The following PRKCE variants were observed in gnomAD, a reference collection of about 807,000 sequenced individuals.
The protein encoded by PRKCE is protein kinase C epsilon type.
In PRKCE, 16 loss-of-function variants were observed where a neutral mutation model predicts 85.4. That is an observed-to-expected ratio of 0.19 (90% CI 0.13 to 0.28). The LOEUF (loss-of-function observed/expected upper bound fraction) is 0.28, where lower values mean the gene tolerates loss of function less well. PRKCE is among the 10% of genes least tolerant of loss of function. PRKCE has a pLI of 1.00. For synonymous variants in PRKCE, 388 were observed against 371.5 expected (o/e 1.04, Z -0.51); for missense variants, 573 against 975.2 (o/e 0.59, Z 5.49).
intron 11 of PRKCE, among the ~76,000 whole-genome samples, chr2:46,086,636 T>G (rs1669665043): frequency 6.6e-6 from 1 of 152,214 alleles, no homozygotes; most frequent in South Asian, 2.1e-4. Context: ...CCAGGTGACC[T>G]TGGTGTGACC....
At chr2:45,725,282 G>T (rs2090414) in intron 1 of PRKCE, among the ~76,000 whole-genome samples, 5 of 152,086 alleles carry the variant, frequency 3.3e-5, no homozygotes, top group Non-Finnish European at 7.4e-5. Context: ...CTCAGAAAAA[G>T]ATTTCTTTCA....
At chr2:46,117,794 G>C (rs578061491) in intron 11 of PRKCE, among the ~76,000 whole-genome samples, 1 of 152,320 alleles carries the variant, frequency 6.6e-6, no homozygotes, top group South Asian at 2.1e-4. Flanking sequence ...CCCTTACATT[G>C]CCATAATGTG....
chr2:45,697,441 G>A lies in PRKCE; in HGVS notation c.348+44993G>A, dbSNP rs189391154. Among the ~76,000 whole-genome samples, 6 of 152,278 alleles carry A rather than the reference G, an allele frequency of 3.9e-5. No individual in the cohort carries two copies. The highest frequency in any genetic ancestry group is 6.5e-5 in the Admixed American group (1 of 15,298). On this transcript the variant is annotated intron_variant, in intron 1 of 14. Transcript: ENST00000306156. This position sits in a 1 kb window ranked among gnomAD's most constrained non-coding sequence, Gnocchi z 4.2. ...CCATTTTATTTATTTAGCCAGGACA[G>A]ATAAGGACTAACAAACAAAACCAAA...
intron 1 of PRKCE, among the ~76,000 whole-genome samples, chr2:45,712,902 C>T (rs1270903913): frequency 6.6e-6 from 1 of 152,198 alleles, no homozygotes; most frequent in Non-Finnish European, 1.5e-5. Flanking sequence ...ATACTTCTAC[C>T]TCTTTGAGGC....
intron 1 of PRKCE, among the ~76,000 whole-genome samples, chr2:45,762,090 A>G (rs547058180): frequency 1.3e-5 from 2 of 152,250 alleles, no homozygotes; most frequent in East Asian, 3.9e-4. Flanking sequence ...AGTAGCTGCT[A>G]TACACCACCA....
intron 1 of PRKCE, among the ~76,000 whole-genome samples, chr2:45,666,950 C>T (rs899380902): frequency 3.3e-5 from 5 of 152,184 alleles, no homozygotes; most frequent in Non-Finnish European, 4.4e-5. Flanking sequence ...AAGGGATCCT[C>T]TTGCCTCAGC....
chr2:45,957,509 C>G (rs1004907370), intron 2 of PRKCE, among the ~76,000 whole-genome samples: 2 of 152,182 alleles, frequency 1.3e-5, no homozygotes, highest in Non-Finnish European at 2.9e-5. Context: ...GAATGATGGT[C>G]TTTCCAGCTT....
At chr2:45,829,683 T>C (rs2105384362) in intron 1 of PRKCE, among the ~76,000 whole-genome samples, 1 of 152,314 alleles carries the variant, frequency 6.6e-6, no homozygotes. Flanking sequence ...GACACTGTAC[T>C]TACCCCAGGT....
chr2:46,144,320 T>C (rs532220480), intron 11 of PRKCE, among the ~76,000 whole-genome samples: 3 of 152,306 alleles, frequency 2.0e-5, no homozygotes, highest in Non-Finnish European at 2.9e-5. Flanking sequence ...TACAAATGCA[T>C]TGTGCTCATG....
chr2:46,178,612 A>G (rs1044609340), intron 14 of PRKCE, among the ~76,000 whole-genome samples: 1 of 152,158 alleles, frequency 6.6e-6, no homozygotes, highest in Non-Finnish European at 1.5e-5. Context: ...CTATATGAGG[A>G]TCTAGTTAAT....
At chr2:46,052,352 A>C (rs1708909548) in intron 10 of PRKCE, among the ~76,000 whole-genome samples, 1 of 152,256 alleles carries the variant, frequency 6.6e-6, no homozygotes, top group South Asian at 2.1e-4. Flanking sequence ...TTATACTAGC[A>C]ATGAAGAATC....
At chr2:46,070,548 CAGG>C in intron 10 of PRKCE, among the ~76,000 whole-genome samples, 1 of 152,098 alleles carries the variant, frequency 6.6e-6, no homozygotes, top group South Asian at 2.1e-4. Context: ...GAGGCTGAGG[CAGG>C]AGAATCGCTT....
chr2:45,911,205 A>G (rs1316075526), intron 2 of PRKCE, among the ~76,000 whole-genome samples: 2 of 152,210 alleles, frequency 1.3e-5, no homozygotes, highest in Non-Finnish European at 2.9e-5. Context: ...AATGCTTATC[A>G]ATCAACATTA....
intron 10 of PRKCE, among the ~76,000 whole-genome samples, chr2:46,083,009 G>T (rs1004967156): frequency 6.6e-6 from 1 of 152,074 alleles, no homozygotes; most frequent in Non-Finnish European, 1.5e-5. Context: ...GTGCAGTGGC[G>T]CAATCTCAGC....
intron 6 of PRKCE, among the ~76,000 whole-genome samples, chr2:45,986,737 A>G (rs1199690155): frequency 6.6e-6 from 1 of 152,158 alleles, no homozygotes; most frequent in Non-Finnish European, 1.5e-5. Flanking sequence ...ACTGGACATG[A>G]GGAGGTGCTG....
At chr2:45,703,448 G>A (rs1678846546) in intron 1 of PRKCE, among the ~76,000 whole-genome samples, 1 of 151,932 alleles carries the variant, frequency 6.6e-6, no homozygotes, top group Non-Finnish European at 1.5e-5. Flanking sequence ...CAAAGTGGGA[G>A]GATTGTTTGA....
At chr2:45,745,464 G>A (rs184216276) in intron 1 of PRKCE, among the ~76,000 whole-genome samples, 204 of 152,158 alleles carry the variant, frequency 1.3e-3, no homozygotes, top group African/African-American at 4.8e-3. Flanking sequence ...CACATCACTC[G>A]CTCTGCCCTT....
chr2:45,913,561 G>A (rs547647204), intron 2 of PRKCE, among the ~76,000 whole-genome samples: 2 of 152,362 alleles, frequency 1.3e-5, no homozygotes, highest in South Asian at 4.1e-4. Flanking sequence ...GGGGCCTCAT[G>A]TACCTTTGAG....
intron 1 of PRKCE, among the ~76,000 whole-genome samples, chr2:45,835,327 T>TA (rs1690768071): frequency 6.6e-6 from 1 of 152,214 alleles, no homozygotes; most frequent in Admixed American, 6.5e-5. Flanking sequence ...AGTGTAGGCT[T>TA]GATTTGTCCC....
Sources: allele counts gnomAD v4.1 joint callset (sites outside exome capture counted in the v4.1 genomes callset), GRCh38; gene constraint gnomAD v4.1.1; non-coding constraint Gnocchi (gnomAD v3.1); transcripts MANE v1.5; gene names NCBI Gene and HGNC (gene_info 2026-07-23, HGNC 2026-07-21).